Variants in ST18 observed in about 807,000 individuals in gnomAD.
ST18 encodes the protein ST18 C2H2C-type zinc finger transcription factor, also known as suppression of tumorigenicity 18 protein.
In ST18, 50 loss-of-function variants were observed where a neutral mutation model predicts 110.0. That is an observed-to-expected ratio of 0.45 (90% confidence interval 0.36 to 0.58). ST18 has a LOEUF of 0.58. Among genes scored for constraint, ST18 ranks in the 20% least tolerant of loss-of-function variants. ST18 has a pLI of 0.00. For synonymous variants in ST18, 461 were observed against 452.4 expected (o/e 1.02, Z -0.24); for missense variants, 1,306 against 1,280.1 (o/e 1.02, Z -0.31).
chr8:52,320,072 A>C (rs1803199633), intron 2 of ST18, among the ~76,000 whole-genome samples: 1 of 152,220 alleles, frequency 6.6e-6, no homozygotes, highest in Admixed American at 6.5e-5. Flanking sequence ...GAGGAATGTC[A>C]AGAAAATTTG....
intron 2 of ST18, among the ~76,000 whole-genome samples, chr8:52,261,046 A>G (rs1554794231): frequency 6.6e-6 from 1 of 152,182 alleles, no homozygotes; most frequent in Non-Finnish European, 1.5e-5. Context: ...CCCAAGCAAA[A>G]CCAACAAGCC....
rs1304872164 is a variant in ST18, at chr8:52,212,225, G to C, written c.56-116C>G. On this transcript the variant is annotated intron_variant, in intron 7 of 25. Transcript: ENST00000689386. ...CGACCAATAAGTTTCTCACTGGGTG[G>C]GTTCATCTTTTCTTGTTCTAGTTCT... 19 of 941,464 alleles carry C rather than the reference G, an allele frequency of 2.0e-5. No individual in the cohort carries two copies. The East Asian group carries it at 2.5e-4, about 12-fold the overall frequency. The allele number at this position is 941,464 out of a possible 1,614,324, so 58.3% of individuals were successfully genotyped here. A position where few individuals can be genotyped will look rare whatever the true frequency, so the allele number is the denominator to read the frequency against.
At chr8:52,283,088 C>T (rs1054257374) in intron 2 of ST18, among the ~76,000 whole-genome samples, 1 of 152,054 alleles carries the variant, frequency 6.6e-6, no homozygotes, top group Non-Finnish European at 1.5e-5. Flanking sequence ...GGGAAGTGTT[C>T]GCATTCTGGA....
intron 22 of ST18, among the ~76,000 whole-genome samples, chr8:52,129,896 T>A (rs1393244241): frequency 6.6e-6 from 1 of 151,706 alleles, no homozygotes; most frequent in Non-Finnish European, 1.5e-5. Context: ...AATACAAAAA[T>A]TAGCCTGGTG....
intron 2 of ST18, among the ~76,000 whole-genome samples, chr8:52,239,742 C>T (rs529075276): frequency 6.6e-6 from 1 of 152,250 alleles, no homozygotes; most frequent in South Asian, 2.1e-4. Flanking sequence ...CTCTCTCACG[C>T]CTCCTATTCT....
intron 6 of ST18, 168 bp from the exon 7 acceptor site, chr8:52,214,425 C>T (rs7015251): frequency 0.16 from 95,486 of 602,112 alleles, 8,755 homozygotes; most frequent in African/African-American, 0.29. Flanking sequence ...CACATACCAC[C>T]AGCTTTGGAA....
intron 2 of ST18, among the ~76,000 whole-genome samples, chr8:52,249,898 G>T (rs1259166722): frequency 1.3e-5 from 2 of 151,946 alleles, no homozygotes; most frequent in African/African-American, 4.8e-5. Flanking sequence ...TTCTGTCTTA[G>T]TTTAATCATA....
Position 52,409,351 on chromosome 8 carries a change from G to A in ST18, c.-488C>T, listed in dbSNP as rs1324144357. 6.6e-6 allele frequency: 1 copy of A among 152,152 alleles called. No individual in the cohort carries two copies. Among genetic ancestry groups the A allele is most frequent in the Non-Finnish European group, 1.5e-5 (1 of 68,034 alleles). 9.4% of individuals were successfully genotyped at this position (152,152 alleles called of 1,614,324 possible). On this transcript the variant is annotated 5_prime_UTR_variant, in exon 2 of 26. Transcript: ENST00000689386. The stretch of plus-strand genomic sequence containing the variant: ...ACCTTTACCTGGCGAACGTCTACAG[G>A]TGTGTCGAAAGTTATCTTTTCCTGG...
At chr8:52,195,553 A>G (rs1048069984) in intron 8 of ST18, among the ~76,000 whole-genome samples, 2 of 152,146 alleles carry the variant, frequency 1.3e-5, no homozygotes, top group African/African-American at 4.8e-5. Context: ...CAAAATCATA[A>G]CTATATTTGA....
intron 2 of ST18, among the ~76,000 whole-genome samples, chr8:52,233,327 A>G (rs926518610): frequency 7.2e-5 from 11 of 152,298 alleles, no homozygotes; most frequent in Admixed American, 6.5e-4. Context: ...AGGTAATAAA[A>G]TAAAAATCTC....
rs181919492 is a variant in ST18, at chr8:52,214,181, T to G, written c.55+22A>C. The G allele has an allele frequency of 8.7e-6, 14 of 1,613,870 alleles. No individual in the cohort carries two copies. In the East Asian group the frequency reaches 3.1e-4, roughly 36 times the overall value. Reference sequence around the variant, plus strand: ...TCATGGTGTGGTGGGCATAGTGTCATAGAACCTGCTTGCTAACTCACCCTC... The same window carrying G: ...TCATGGTGTGGTGGGCATAGTGTCAGAGAACCTGCTTGCTAACTCACCCTC... On this transcript the variant is annotated intron_variant, in intron 7 of 25. Coordinates refer to ENST00000689386, the MANE Select transcript of ST18 (RefSeq NM_001352837.2).
intron 9 of ST18, among the ~76,000 whole-genome samples, chr8:52,178,623 A>AAAAAAAAAAAC: frequency 7.9e-6 from 1 of 125,906 alleles, no homozygotes; most frequent in African/African-American, 3.8e-5. Context: ...TCAAAAAAAA[A>AAAAAAAAAAAC]AAAAAAAAAA....
At chr8:52,223,927 C>A (rs1482992124) in intron 3 of ST18, among the ~76,000 whole-genome samples, 1 of 152,116 alleles carries the variant, frequency 6.6e-6, no homozygotes, top group African/African-American at 2.4e-5. Flanking sequence ...ACTCCAAAGA[C>A]CACTCTGAGA....
At chr8:52,361,390 G>A (rs1825675864) in intron 2 of ST18, among the ~76,000 whole-genome samples, 1 of 152,204 alleles carries the variant, frequency 6.6e-6, no homozygotes, top group African/African-American at 2.4e-5. Context: ...AGTGAAATCA[G>A]CAGATTGATC....
chr8:52,324,027 C>CA (rs1207597374), intron 2 of ST18, among the ~76,000 whole-genome samples: 1 of 152,336 alleles, frequency 6.6e-6, no homozygotes, highest in Non-Finnish European at 1.5e-5. Flanking sequence ...CTCCAGGCTT[C>CA]ACAGCTTGAA....
At chr8:52,267,755 A>G (rs568447966) in intron 2 of ST18, among the ~76,000 whole-genome samples, 7 of 152,346 alleles carry the variant, frequency 4.6e-5, no homozygotes, top group Admixed American at 2.6e-4. Flanking sequence ...TATTCTCTCA[A>G]CACACTTCAC....
At chr8:52,394,987 G>A (rs1317215753) in intron 2 of ST18, among the ~76,000 whole-genome samples, 2 of 152,192 alleles carry the variant, frequency 1.3e-5, no homozygotes, top group Non-Finnish European at 2.9e-5. Flanking sequence ...CACCAAGAAG[G>A]GAACATTTCC....
chr8:52,244,234 C>G (rs529636946), intron 2 of ST18, among the ~76,000 whole-genome samples: 2 of 152,244 alleles, frequency 1.3e-5, no homozygotes, highest in Non-Finnish European at 2.9e-5. Flanking sequence ...GACCTTTAAA[C>G]CAAAAGGTCT....
intron 6 of ST18, 103 bp downstream of exon 6, chr8:52,217,643 T>C (rs1190592260): frequency 6.6e-6 from 1 of 152,088 alleles, no homozygotes; most frequent in East Asian, 1.9e-4. Context: ...ATGATGGAAA[T>C]AAGCAGATAC....
Sources: allele counts gnomAD v4.1 joint callset (sites outside exome capture counted in the v4.1 genomes callset), GRCh38; gene constraint gnomAD v4.1.1; transcripts MANE v1.5; gene names NCBI Gene and HGNC (gene_info 2026-07-23, HGNC 2026-07-21).